Variants in DLG2 observed in about 807,000 individuals in gnomAD.
The protein encoded by DLG2 is discs large MAGUK scaffold protein 2.
In DLG2, 45 loss-of-function variants were observed where a neutral mutation model predicts 132.5. The observed-to-expected ratio is 0.34, with a 90% CI of 0.27 to 0.44. The LOEUF (loss-of-function observed/expected upper bound fraction) is 0.44. Among genes scored for constraint, DLG2 ranks in the 20% least tolerant of loss-of-function variants. DLG2 has a pLI of 1.00. For synonymous variants in DLG2, 424 were observed against 419.6 expected, an observed-to-expected ratio of 1.01 and a Z score of -0.13; for missense variants, 1,045 against 1,196.9, an observed-to-expected ratio of 0.87 and a Z score of 1.87.
chr11:83,869,218 G>A (rs1230920152), intron 16 of DLG2, among the ~76,000 whole-genome samples: 1 of 151,982 alleles, frequency 6.6e-6, no homozygotes, highest in African/African-American at 2.4e-5. Context: ...CATATATTTT[G>A]GAACCAAACA....
At chr11:84,160,390 G>C (rs1477574769) in intron 9 of DLG2, among the ~76,000 whole-genome samples, 1 of 152,098 alleles carries the variant, frequency 6.6e-6, no homozygotes, top group Non-Finnish European at 1.5e-5. Context: ...AAGTCAGTTA[G>C]GTCTGAGAAC....
intron 7 of DLG2, among the ~76,000 whole-genome samples, chr11:84,491,210 T>A (rs1029926404): frequency 1.3e-5 from 2 of 152,104 alleles, no homozygotes; most frequent in Non-Finnish European, 2.9e-5. Flanking sequence ...TTCCCACGTA[T>A]TGTGGGACGG....
intron 9 of DLG2, among the ~76,000 whole-genome samples, chr11:84,160,957 G>A (rs1471584473): frequency 2.0e-5 from 3 of 152,170 alleles, no homozygotes; most frequent in Non-Finnish European, 4.4e-5. Flanking sequence ...GAGGAGATAT[G>A]ATAAGGTATG....
At chr11:83,629,578 C>A (rs924645346) in intron 19 of DLG2, among the ~76,000 whole-genome samples, 1 of 152,144 alleles carries the variant, frequency 6.6e-6, no homozygotes, top group Admixed American at 6.6e-5. Flanking sequence ...ATAAATTTAA[C>A]CCCCATATCT....
At chr11:85,525,509 A>G (rs1312041694) in intron 3 of DLG2, among the ~76,000 whole-genome samples, 1 of 152,216 alleles carries the variant, frequency 6.6e-6, no homozygotes, top group Non-Finnish European at 1.5e-5. Flanking sequence ...AGAACAGAAA[A>G]TCCTGACAAC....
intron 4 of DLG2, among the ~76,000 whole-genome samples, chr11:85,252,379 G>A (rs1380977913): frequency 6.6e-6 from 1 of 152,166 alleles, no homozygotes; most frequent in South Asian, 2.1e-4. Context: ...ACGAGGTCAG[G>A]AGATCAAGAC....
At chr11:84,273,297 G>A in intron 7 of DLG2, 1 of 360,282 alleles carries the variant, frequency 2.8e-6, no homozygotes, top group Non-Finnish European at 4.6e-6. Context: ...ACAGAACCCA[G>A]TTGAAGAGGA....
intron 15 of DLG2, among the ~76,000 whole-genome samples, chr11:83,922,304 T>G (rs909978128): frequency 6.6e-6 from 1 of 152,102 alleles, no homozygotes; most frequent in South Asian, 2.1e-4. Context: ...TAAAACCAAA[T>G]GTAGCAAGAG....
chr11:85,212,075 C>G (rs2082287752), intron 4 of DLG2, among the ~76,000 whole-genome samples: 1 of 152,098 alleles, frequency 6.6e-6, no homozygotes, highest in Non-Finnish European at 1.5e-5. Context: ...CTCTATCCAT[C>G]ATATATCCAT....
intron 3 of DLG2, among the ~76,000 whole-genome samples, chr11:85,343,523 C>T (rs1193778505): frequency 6.6e-6 from 1 of 152,116 alleles, no homozygotes; most frequent in South Asian, 2.1e-4. Context: ...TTGAATAAAC[C>T]TGTGAAAGAG....
Position 83,817,952 on chromosome 11 carries a change from A to G in DLG2, c.1722+15662T>C, listed in dbSNP as rs560614832. 1.8e-3 allele frequency among the ~76,000 whole-genome samples: 274 copies of G among 152,332 alleles called. 1 individual carries two copies. The highest frequency in any genetic ancestry group is 6.3e-3 in the African/African-American group (262 of 41,584). ...TTTAGTCATAACTAATAAAAAATTA[A>G]TTGTTCAAAAACCCTTCAGTGCATC... On this transcript the variant is annotated intron_variant, in intron 17 of 27. Transcript: ENST00000376104.
At chr11:85,157,161 T>C (rs560303687) in intron 4 of DLG2, among the ~76,000 whole-genome samples, 3 of 152,200 alleles carry the variant, frequency 2.0e-5, no homozygotes, top group South Asian at 2.1e-4. Context: ...CCCTTGAACA[T>C]TGGACTCCAA....
rs113578192 is a variant in DLG2, at chr11:84,990,539, C to T, written c.357+121122G>A. Among the ~76,000 whole-genome samples, 658 of 152,020 alleles carry T rather than the reference C, an allele frequency of 4.3e-3. 2 individuals are homozygous for T. The highest frequency in any genetic ancestry group is 6.9e-3 in the Non-Finnish European group (472 of 67,992). ...CTTGGAATTCCCAGCTTCAAAACTA[C>T]GAGAAATAAATGTGTATTATATAGA... On this transcript the variant is annotated intron_variant, in intron 6 of 27. Coordinates refer to ENST00000376104, the MANE Select transcript of DLG2 (RefSeq NM_001142699.3).
Position 83,972,582 on chromosome 11 carries a change from TC to T in DLG2, c.1057-7115del, listed in dbSNP as rs1336672178. Among the ~76,000 whole-genome samples the T allele has an allele frequency of 3.3e-5, 5 of 152,190 alleles. No individual in the cohort carries two copies. The East Asian group carries it at 9.7e-4, about 29-fold the overall frequency. ...CTGATTAGATCATATTCATCTCTATTCCCCTAGCTGATGCAATATAAATAGT... is the reference window on the plus strand; with the variant it reads ...CTGATTAGATCATATTCATCTCTATTCCCTAGCTGATGCAATATAAATAGT... On this transcript the variant is annotated intron_variant, in intron 12 of 27. Coordinates refer to ENST00000376104, the MANE Select transcript of DLG2 (RefSeq NM_001142699.3).
chr11:85,000,528 G>C (rs2058116679), intron 6 of DLG2, among the ~76,000 whole-genome samples: 1 of 152,042 alleles, frequency 6.6e-6, no homozygotes, highest in South Asian at 2.1e-4. Context: ...AATAATACTT[G>C]ATTTACATGT....
intron 6 of DLG2, among the ~76,000 whole-genome samples, chr11:84,870,604 G>T (rs2085325527): frequency 6.6e-6 from 1 of 152,230 alleles, no homozygotes; most frequent in African/African-American, 2.4e-5. Context: ...TGACAATGAA[G>T]AAGTGAAATG....
rs187620840 is a variant in DLG2 at position 85,016,797 on chromosome 11, A to G, written c.357+94864T>C. Among the ~76,000 whole-genome samples the G allele has an allele frequency of 1.2e-4, 18 of 152,160 alleles. No homozygotes were observed. In the East Asian group the frequency reaches 3.3e-3, roughly 28 times the overall value. On this transcript the variant is annotated intron_variant, in intron 6 of 27. Coordinates refer to ENST00000376104, the MANE Select transcript of DLG2 (RefSeq NM_001142699.3). The stretch of plus-strand genomic sequence containing the variant: ...AGGTTAGATAGCCCTCAGTCTCCTA[A>G]TAAAATTGAGGTTATTAGGTGTGTT...
intron 3 of DLG2, among the ~76,000 whole-genome samples, chr11:85,476,514 T>C (rs1261658569): frequency 1.3e-5 from 2 of 152,190 alleles, no homozygotes; most frequent in Non-Finnish European, 2.9e-5. Flanking sequence ...TTGCCTCTTT[T>C]GTTGTTACAT....
chr11:84,106,912 TGAGAGAA>T, intron 9 of DLG2, among the ~76,000 whole-genome samples: 3 of 131,514 alleles, frequency 2.3e-5, no homozygotes, highest in African/African-American at 2.9e-5. Context: ...GGTGTGTGTG[TGAGAGAA>T]GTGTGTGTGT....
Sources: allele counts gnomAD v4.1 joint callset (sites outside exome capture counted in the v4.1 genomes callset), GRCh38; gene constraint gnomAD v4.1.1; transcripts MANE v1.5; gene names NCBI Gene and HGNC (gene_info 2026-07-23, HGNC 2026-07-21).